The following ZNF560 variants were observed in gnomAD, a reference collection of about 807,000 sequenced individuals.
ZNF560 encodes zinc finger protein 560.
A neutral mutation model predicts 81.8 loss-of-function variants in ZNF560; 54 were observed. That is an observed-to-expected ratio of 0.66 (90% CI 0.53 to 0.83). The LOEUF is 0.83. ZNF560 is among the 40% of genes least tolerant of loss of function. The probability of loss-of-function intolerance (pLI) is 0.00; values close to 1 mark genes in which losing one functional copy is unlikely to be tolerated. For missense variants in ZNF560, 940 were observed against 932.4 expected (o/e 1.01, Z -0.11); for synonymous variants, 321 against 317.9 (o/e 1.01, Z -0.10).
At chr19:9,484,064 G>A (rs2073346629) in intron 2 of ZNF560, among the ~76,000 whole-genome samples, 1 of 152,198 alleles carries the variant, frequency 6.6e-6, no homozygotes, top group Non-Finnish European at 1.5e-5. Context: ...GGTGCAAGAT[G>A]TGCTTTGTTA....
intron 2 of ZNF560, among the ~76,000 whole-genome samples, chr19:9,497,817 T>G (rs922412604): frequency 3.9e-5 from 6 of 152,178 alleles, no homozygotes; most frequent in African/African-American, 1.4e-4. Flanking sequence ...CCCTCCATCC[T>G]TTCTTCCAGG....
At chr19:9,450,148 G>A in the ZNF560 span, among the ~76,000 whole-genome samples, 82 of 150,340 alleles carry the variant, frequency 5.5e-4, no homozygotes, top group African/African-American at 1.9e-3. Flanking sequence ...AAAATTAGCT[G>A]GACGCAGTGG....
intron 2 of ZNF560, among the ~76,000 whole-genome samples, chr19:9,490,005 G>A (rs1316842648): frequency 6.6e-6 from 1 of 152,150 alleles, no homozygotes; most frequent in Admixed American, 6.5e-5. Flanking sequence ...TAGCTAAACT[G>A]GTTGGATGAT....
At chr19:9,449,560 A>G in the ZNF560 span, among the ~76,000 whole-genome samples, 2 of 152,230 alleles carry the variant, frequency 1.3e-5, no homozygotes, top group South Asian at 2.1e-4. Context: ...GAAAGTCAGC[A>G]CCATATGAAG....
chr19:9,487,733 G>C (rs2073407953), intron 2 of ZNF560, among the ~76,000 whole-genome samples: 1 of 152,188 alleles, frequency 6.6e-6, no homozygotes, highest in Admixed American at 6.5e-5. Context: ...TCATGGTCAG[G>C]GGAGGGCCAA....
the ZNF560 span, among the ~76,000 whole-genome samples, chr19:9,446,407 CATA>C: frequency 1.4e-5 from 2 of 146,378 alleles, no homozygotes; most frequent in African/African-American, 5.2e-5. Context: ...CACACACACA[CATA>C]AAATATAGGA....
At chr19:9,469,788 G>A (rs992010522) in intron 7 of ZNF560, 78 bp from the exon 8 acceptor site, 6 of 1,233,610 alleles carry the variant, frequency 4.9e-6, no homozygotes, top group Middle Eastern at 1.9e-4. Context: ...CAGGGACTAC[G>A]TTTCTAATTA....
chr19:9,478,514 T>C lies in ZNF560; in HGVS notation c.-56-3145A>G, dbSNP rs1037440481. Among the ~76,000 whole-genome samples the C allele has an allele frequency of 3.0e-4, 45 of 152,144 alleles. 2 individuals are homozygous for C. Among genetic ancestry groups the C allele is most frequent in the Non-Finnish European group, 2.9e-5 (2 of 68,038 alleles). Reference sequence around the variant, plus strand: ...AATTCAGAATACTCAAACACTGTAATGGTGGTTTATAAATGAATTATATCC... The same window carrying C: ...AATTCAGAATACTCAAACACTGTAACGGTGGTTTATAAATGAATTATATCC... On this transcript the variant is annotated intron_variant, in intron 2 of 9. Transcript: ENST00000301480.
In ZNF560 at chr19:9,470,533, A is replaced by G; in HGVS notation, c.322-15T>C. The G allele has an allele frequency of 1.2e-6, 2 of 1,614,200 alleles. No individual in the cohort carries two copies. The highest frequency in any genetic ancestry group is 1.7e-6 in the Non-Finnish European group (2 of 1,180,034). On this transcript the variant is annotated splice_polypyrimidine_tract_variant and intron_variant, in intron 6 of 9. Coordinates refer to ENST00000301480, the MANE Select transcript of ZNF560 (RefSeq NM_152476.3). ...GTTACCAGGTCCTAAACCATCAGAC[A>G]CATGCTGATTTGAGCCAAGCAACAT...
At chr19:9,504,208 A>C in the ZNF560 span, among the ~76,000 whole-genome samples, 2 of 152,054 alleles carry the variant, frequency 1.3e-5, no homozygotes, top group South Asian at 4.2e-4. Context: ...CCAAGAGTGG[A>C]TGGATCATTT....
rs557801059 is a variant in ZNF560 at position 9,466,893 on chromosome 19, T to A, written c.2054A>T (p.Glu685Val). 9.7e-5 allele frequency: 156 copies of A among 1,614,110 alleles called. No homozygotes were observed. In the South Asian group the frequency reaches 1.6e-3, roughly 17 times the overall value. ...AAAGGAATTTCCACATGCGTTACAT[T>A]CAGAGGTCTTCTCTGCTGCATGAGT... ...LKTHAAEKTSECNACGNSFRN... is the reference protein window; with the variant it reads ...LKTHAAEKTSVCNACGNSFRN... The change falls in exon 10 of 10, where the codon GAA becomes GTA. Residue 685 changes from glutamate to valine, a missense_variant. By Grantham distance (121) the Glu-to-Val change is moderately radical (BLOSUM62 -2). Coordinates refer to ENST00000301480, the MANE Select transcript of ZNF560 (RefSeq NM_152476.3).
upstream of ZNF560, among the ~76,000 whole-genome samples, chr19:9,502,247 C>T (rs1347661909): frequency 6.6e-6 from 1 of 151,994 alleles, no homozygotes; most frequent in Admixed American, 6.6e-5. Context: ...GAGTCTCGCT[C>T]TGTTGCCAGG....
At chr19:9,451,117 A>G in the ZNF560 span, among the ~76,000 whole-genome samples, 1 of 152,230 alleles carries the variant, frequency 6.6e-6, no homozygotes, top group East Asian at 1.9e-4. Context: ...AATTAGAAAA[A>G]AAAACTATTC....
At chr19:9,501,908 T>G (rs928937695), upstream of ZNF560, among the ~76,000 whole-genome samples, 1 of 151,970 alleles carries the variant, frequency 6.6e-6, no homozygotes, top group African/African-American at 2.4e-5. Context: ...ATGCCAGCAC[T>G]TTGGGAGACC....
Position 9,476,652 on chromosome 19 carries a change from C to T in ZNF560, c.-56-1283G>A, listed in dbSNP as rs1047607712. On this transcript the variant is annotated intron_variant, in intron 2 of 9. Transcript: ENST00000301480. Reference sequence around the variant, plus strand: ...CTTGCACCCAATCTCTCTCCTGCCACCCTGTGAAGAGGTGTCTTCTGCCAT... The same window carrying T: ...CTTGCACCCAATCTCTCTCCTGCCATCCTGTGAAGAGGTGTCTTCTGCCAT... Among the ~76,000 whole-genome samples, 4 of 152,242 alleles carry T rather than the reference C, an allele frequency of 2.6e-5. No individual in the cohort carries two copies. The South Asian group carries it at 8.3e-4, about 32-fold the overall frequency.
At chr19:9,493,608 C>T (rs759087345) in intron 2 of ZNF560, among the ~76,000 whole-genome samples, 15 of 152,030 alleles carry the variant, frequency 9.9e-5, no homozygotes, top group African/African-American at 1.7e-4. Flanking sequence ...GTGATCCACC[C>T]GCCTCCCAAA....
chr19:9,451,601 A>G, the ZNF560 span, among the ~76,000 whole-genome samples: 3 of 152,214 alleles, frequency 2.0e-5, no homozygotes, highest in African/African-American at 7.2e-5. Flanking sequence ...TGCAATAAAA[A>G]CAAAAATTGA....
chr19:9,497,546 A>C (rs549067161), intron 2 of ZNF560, among the ~76,000 whole-genome samples: 2 of 151,970 alleles, frequency 1.3e-5, no homozygotes, highest in Non-Finnish European at 2.9e-5. Flanking sequence ...AAAAAAAAAA[A>C]AAAAAAAAAA....
chr19:9,468,985 C>T (rs2073080378), intron 9 of ZNF560, 120 bp downstream of exon 9: 1 of 745,018 alleles, frequency 1.3e-6, no homozygotes, highest in Non-Finnish European at 2.2e-6. Context: ...GCCTCAGCCT[C>T]CCAAAGTGCT....
Sources: gnomAD v4.1 joint callset for allele counts (sites outside exome capture counted in the v4.1 genomes callset) on GRCh38, gnomAD v4.1.1 for gene constraint, MANE v1.5 for transcripts, NCBI Gene and HGNC (gene_info 2026-07-23, HGNC 2026-07-21) for gene names.